DOCK1: variants seen among roughly 807,000 people sequenced by gnomAD.
DOCK1 encodes dedicator of cytokinesis protein 1.
A neutral mutation model predicts 262.7 loss-of-function variants in DOCK1; 138 were observed. The observed-to-expected ratio is 0.53, with a 90% confidence interval of 0.46 to 0.61. The LOEUF (loss-of-function observed/expected upper bound fraction) is 0.61. Ranked by LOEUF, DOCK1 falls within the 20% of genes least tolerant of loss-of-function variation. The pLI, the probability that DOCK1 is intolerant of heterozygous loss-of-function variation, is 0.00. For synonymous variants in DOCK1, 866 were observed against 867.4 expected (o/e 1.00, Z 0.03); for missense variants, 1,908 against 2,370.7 (o/e 0.80, Z 4.05).
Position 127,437,504 on chromosome 10 carries a change from C to G in DOCK1, c.5061-1523C>G. 6.9e-6 allele frequency among the ~76,000 whole-genome samples: 1 copy of G among 145,250 alleles called. No homozygotes were observed. The highest frequency in any genetic ancestry group is 2.0e-4 in the East Asian group (1 of 4,888). On this transcript the variant is annotated intron_variant, in intron 48 of 51. Transcript: ENST00000623213. This position sits in a 1 kb window ranked among gnomAD's most constrained non-coding sequence, Gnocchi z 4.4. The stretch of plus-strand genomic sequence containing the variant: ...TTTTTTTTTTTTTTTTTTTTTGAGA[C>G]AGGATCTGGCTCTGTCACCCAGGCT...
chr10:126,948,988 C>T lies in DOCK1; in HGVS notation c.47-21714C>T, dbSNP rs925340221. ...CCTTTCAGTGGCCCGGGCCCACCCC[C>T]TGGACCCTGTTCCCTTTGTAACTGA... On this transcript the variant is annotated intron_variant, in intron 1 of 51. Transcript: ENST00000623213. 9.7e-4 allele frequency among the ~76,000 whole-genome samples: 148 copies of T among 152,258 alleles called. 1 individual carries two copies. Among genetic ancestry groups the T allele is most frequent in the Middle Eastern group, 6.8e-3 (2 of 294 alleles).
At chr10:127,398,591 T>G (rs1360512153) in intron 38 of DOCK1, among the ~76,000 whole-genome samples, 2 of 152,224 alleles carry the variant, frequency 1.3e-5, no homozygotes, top group Non-Finnish European at 2.9e-5. Flanking sequence ...CTCTGGAAAT[T>G]CAGAAGGTAA....
At chr10:127,244,819 G>A (rs191434661) in intron 27 of DOCK1, among the ~76,000 whole-genome samples, 219 of 152,210 alleles carry the variant, frequency 1.4e-3, no homozygotes, top group African/African-American at 5.1e-3. Context: ...TCAGGCTCAG[G>A]GATGGTTCTG....
At position 127,310,821 on chromosome 10, in the gene DOCK1, C is replaced by G. The variant is rs572271376; in HGVS notation, c.3045-28185C>G. Among the ~76,000 whole-genome samples the G allele has an allele frequency of 3.7e-4, 56 of 152,196 alleles. No homozygotes were observed. In the South Asian group the frequency reaches 8.1e-3, roughly 22 times the overall value. ...TACTACAATCTCTTAATGCCCCAAA[C>G]TAGGAGACTGATTTATCTCCTGTTA... On this transcript the variant is annotated intron_variant, in intron 29 of 51. Transcript: ENST00000623213.
intron 18 of DOCK1, among the ~76,000 whole-genome samples, chr10:127,035,855 A>G (rs1446055384): frequency 2.6e-5 from 4 of 151,932 alleles, no homozygotes; most frequent in Non-Finnish European, 4.4e-5. Context: ...ACTAAAAATT[A>G]GCTGTGCATG....
intron 22 of DOCK1, among the ~76,000 whole-genome samples, chr10:127,056,673 A>G (rs1029627902): frequency 1.3e-5 from 2 of 151,636 alleles, no homozygotes; most frequent in Non-Finnish European, 2.9e-5. Flanking sequence ...ATGAGCCCCA[A>G]GTGTATCCCA....
chr10:127,134,754 G>A (rs2050545966), intron 27 of DOCK1, among the ~76,000 whole-genome samples: 1 of 152,164 alleles, frequency 6.6e-6, no homozygotes, highest in South Asian at 2.1e-4. Flanking sequence ...TGAAGAACAT[G>A]CGATGGTAGC....
chr10:127,302,016 C>G (rs1240203349), intron 29 of DOCK1, among the ~76,000 whole-genome samples: 1 of 151,958 alleles, frequency 6.6e-6, no homozygotes, highest in East Asian at 1.9e-4. Flanking sequence ...TGTGTGCCTT[C>G]CCTTTTTCTT....
intron 27 of DOCK1, among the ~76,000 whole-genome samples, chr10:127,239,310 A>G (rs2059179947): frequency 6.6e-6 from 1 of 152,190 alleles, no homozygotes; most frequent in South Asian, 2.1e-4. Context: ...AATACCATAA[A>G]AGATTATCTA....
At chr10:127,000,453 T>G in intron 10 of DOCK1, 146 bp downstream of exon 10, 1 of 1,237,110 alleles carries the variant, frequency 8.1e-7, no homozygotes, top group Non-Finnish European at 1.1e-6. Flanking sequence ...TATTAGTTAT[T>G]TTCATTGTGG....
intron 23 of DOCK1, among the ~76,000 whole-genome samples, chr10:127,085,285 C>A (rs1336597994): frequency 6.6e-6 from 1 of 152,154 alleles, no homozygotes; most frequent in African/African-American, 2.4e-5. Flanking sequence ...CTGGTATGTG[C>A]CAGGCAATAT....
chr10:126,963,640 C>CCTTCCTTCCTTCCTTCCTTCCT (rs2037434249), intron 1 of DOCK1, among the ~76,000 whole-genome samples: 8 of 65,136 alleles, frequency 1.2e-4, no homozygotes, highest in African/African-American at 5.3e-4. Context: ...CTTCCCTTCC[C>CCTTCCTTCCTTCCTTCCTTCCT]TCCTTCCTTC....
At chr10:127,080,878 C>T (rs2136008827) in intron 23 of DOCK1, among the ~76,000 whole-genome samples, 1 of 152,262 alleles carries the variant, frequency 6.6e-6, no homozygotes, top group African/African-American at 2.4e-5. Context: ...CTCTCCGCCC[C>T]CCAGTGTGTA....
intron 25 of DOCK1, among the ~76,000 whole-genome samples, chr10:127,121,779 C>CTTTGTA (rs1395448519): frequency 1.3e-5 from 2 of 152,152 alleles, no homozygotes; most frequent in African/African-American, 2.4e-5. Context: ...AAAAGGCTGA[C>CTTTGTA]TTTGTATACT....
chr10:126,980,371 A>T (rs543598026), intron 3 of DOCK1, among the ~76,000 whole-genome samples: 1 of 151,908 alleles, frequency 6.6e-6, no homozygotes, highest in East Asian at 2.0e-4. Context: ...TGTAAAAAAA[A>T]TTTCGGCAGT....
chr10:127,276,564 C>G (rs563320707), intron 29 of DOCK1, among the ~76,000 whole-genome samples: 2 of 152,256 alleles, frequency 1.3e-5, no homozygotes, highest in East Asian at 3.9e-4. Flanking sequence ...GACCACAAAG[C>G]AGGGACTCGG....
chr10:127,362,968 T>C (rs56048143), intron 33 of DOCK1, among the ~76,000 whole-genome samples: 886 of 3,464 alleles, frequency 0.26, 27 homozygotes, highest in Middle Eastern at 0.5. Context: ...CATCCCCACA[T>C]ACACATACAC....
intron 1 of DOCK1, among the ~76,000 whole-genome samples, chr10:126,949,868 C>G (rs1318514019): frequency 6.6e-6 from 1 of 151,728 alleles, no homozygotes; most frequent in Non-Finnish European, 1.5e-5. Context: ...GCCAGAGAGG[C>G]AAAGCTCTGT....
At chr10:127,209,666 G>A (rs1170020579) in intron 27 of DOCK1, among the ~76,000 whole-genome samples, 2 of 152,166 alleles carry the variant, frequency 1.3e-5, no homozygotes, top group Non-Finnish European at 2.9e-5. Context: ...TTGAAAAACG[G>A]ACAAGTAGTG....
Sources: allele counts gnomAD v4.1 joint callset (sites outside exome capture counted in the v4.1 genomes callset), GRCh38; gene constraint gnomAD v4.1.1; non-coding constraint Gnocchi (gnomAD v3.1); transcripts MANE v1.5; gene names NCBI Gene and HGNC (gene_info 2026-07-23, HGNC 2026-07-21).